The following KIAA0319 variants were observed in gnomAD, a reference collection of about 807,000 sequenced individuals.
KIAA0319 encodes the protein KIAA0319.
In KIAA0319, 83 loss-of-function variants were observed where a neutral mutation model predicts 108.4. The ratio of observed to expected loss-of-function variants is 0.77; its 90% CI spans 0.64 to 0.92. The LOEUF (loss-of-function observed/expected upper bound fraction) is 0.92, where lower values mean the gene tolerates loss of function less well. Among genes scored for constraint, KIAA0319 ranks in the 40% least tolerant of loss-of-function variants. The pLI is 0.00. For synonymous variants in KIAA0319, 484 were observed against 510.4 expected (o/e 0.95, Z 0.70); for missense variants, 1,195 against 1,322.4 (o/e 0.90, Z 1.49).
intron 1 of KIAA0319, among the ~76,000 whole-genome samples, chr6:24,636,644 A>G (rs1776236870): frequency 6.6e-6 from 1 of 152,212 alleles, no homozygotes; most frequent in Non-Finnish European, 1.5e-5. Context: ...CAATGACCCA[A>G]AGAAATCAAC....
At chr6:24,608,932 A>G (rs1771858464) in intron 1 of KIAA0319, among the ~76,000 whole-genome samples, 1 of 113,002 alleles carries the variant, frequency 8.8e-6, no homozygotes, top group Non-Finnish European at 2.1e-5. Flanking sequence ...CTCCGTCTCA[A>G]AAAAAAAAAA....
chr6:24,644,756 T>G (rs978506374), intron 1 of KIAA0319, among the ~76,000 whole-genome samples: 1 of 152,228 alleles, frequency 6.6e-6, no homozygotes, highest in Non-Finnish European at 1.5e-5. Context: ...AGTTCTTGCC[T>G]CGGCATTTTG....
At chr6:24,630,579 T>C (rs532995608) in intron 1 of KIAA0319, among the ~76,000 whole-genome samples, 350 of 135,850 alleles carry the variant, frequency 2.6e-3, no homozygotes, top group Non-Finnish European at 4.3e-3. Flanking sequence ...AAATTAGTCA[T>C]TATAAATTGT....
rs887868480 is a variant in KIAA0319, at chr6:24,546,382, C to G, written c.*783G>C. ...TTAATGTAAACTGGGGATCCGTTTA[C>G]ATTAGAGAACTATACTGCTAAACAA... On this transcript the variant is annotated 3_prime_UTR_variant, in exon 21 of 21. Coordinates refer to ENST00000378214, the MANE Select transcript of KIAA0319 (RefSeq NM_014809.4). The G allele has an allele frequency of 6.6e-6, 1 of 151,968 alleles. No individual in the cohort carries two copies. Among genetic ancestry groups the G allele is most frequent in the East Asian group, 1.9e-4 (1 of 5,190 alleles). The allele number at this position is 151,968 out of a possible 1,614,324, so 9.4% of individuals were successfully genotyped here.
At chr6:24,580,228 T>G (rs138658897) in intron 7 of KIAA0319, among the ~76,000 whole-genome samples, 166 of 152,264 alleles carry the variant, frequency 1.1e-3, no homozygotes, top group African/African-American at 3.5e-3. Context: ...GAGCAGTAAT[T>G]ACAGAGCAGG....
intron 9 of KIAA0319, among the ~76,000 whole-genome samples, 193 bp from the exon 10 acceptor site, chr6:24,576,789 G>A (rs1765612736): frequency 6.6e-6 from 1 of 151,940 alleles, no homozygotes; most frequent in Non-Finnish European, 1.5e-5. Flanking sequence ...GCCGAGTGTG[G>A]TCATGCACAC....
intron 20 of KIAA0319, among the ~76,000 whole-genome samples, chr6:24,549,820 G>A (rs574887117): frequency 6.6e-6 from 1 of 152,156 alleles, no homozygotes; most frequent in African/African-American, 2.4e-5. Flanking sequence ...GGGTGGTGAT[G>A]GTAATGACGA....
In KIAA0319 at chr6:24,599,986, T is replaced by C. The variant is rs1423482858; in HGVS notation, c.55+1063A>G. On this transcript the variant is annotated intron_variant, in intron 2 of 20. Coordinates refer to ENST00000378214, the MANE Select transcript of KIAA0319 (RefSeq NM_014809.4). The surrounding 1 kb of genome is among the most constrained non-coding windows in gnomAD (Gnocchi z 4.1). Reference sequence around the variant, plus strand: ...TGCCTCCAGCTACAAAACAATTCAATTGGTTTTTTTCCAAAATAAACCCTC... The same window carrying C: ...TGCCTCCAGCTACAAAACAATTCAACTGGTTTTTTTCCAAAATAAACCCTC... 6.6e-6 allele frequency among the ~76,000 whole-genome samples: 1 copy of C among 151,590 alleles called. No homozygotes were observed. Among genetic ancestry groups the C allele is most frequent in the Non-Finnish European group, 1.5e-5 (1 of 67,998 alleles).
intron 4 of KIAA0319, among the ~76,000 whole-genome samples, chr6:24,584,051 C>T (rs533291904): frequency 2.0e-5 from 3 of 152,206 alleles, no homozygotes; most frequent in East Asian, 3.9e-4. Flanking sequence ...TCTTGACGCC[C>T]TGGTGTGAGC....
chr6:24,631,511 G>A (rs1450993385), intron 1 of KIAA0319, among the ~76,000 whole-genome samples: 1 of 152,220 alleles, frequency 6.6e-6, no homozygotes, highest in African/African-American at 2.4e-5. Flanking sequence ...CTTTTCCACA[G>A]TCTTAGATTA....
intron 20 of KIAA0319, among the ~76,000 whole-genome samples, chr6:24,550,736 T>C (rs9467220): frequency 0.29 from 43,724 of 151,860 alleles, 6,815 homozygotes; most frequent in African/African-American, 0.4. Context: ...GCTGTGGGAG[T>C]GTCTTCAACT....
intron 18 of KIAA0319, 21 bp downstream of exon 18, chr6:24,556,586 C>T: frequency 6.2e-7 from 1 of 1,609,856 alleles, no homozygotes; most frequent in Non-Finnish European, 8.5e-7. Flanking sequence ...CACCCAAAGC[C>T]TCCTCTATAC....
intron 1 of KIAA0319, among the ~76,000 whole-genome samples, chr6:24,622,931 C>T (rs1205344111): frequency 3.3e-5 from 5 of 151,908 alleles, no homozygotes; most frequent in Admixed American, 6.6e-5. Flanking sequence ...CCCAGCTACT[C>T]GGGAGGCTGA....
At chr6:24,616,717 T>C (rs1187590636) in intron 1 of KIAA0319, among the ~76,000 whole-genome samples, 1 of 152,212 alleles carries the variant, frequency 6.6e-6, no homozygotes, top group Non-Finnish European at 1.5e-5. Flanking sequence ...TTAAAACAAC[T>C]TTTATTTTCT....
At chr6:24,638,495 T>A in intron 1 of KIAA0319, among the ~76,000 whole-genome samples, 1 of 152,060 alleles carries the variant, frequency 6.6e-6, no homozygotes, top group East Asian at 1.9e-4. Flanking sequence ...GCGTGGTGGC[T>A]CCAGCCTGTA....
chr6:24,618,073 C>T (rs1372685467), intron 1 of KIAA0319, among the ~76,000 whole-genome samples: 1 of 151,970 alleles, frequency 6.6e-6, no homozygotes, highest in Non-Finnish European at 1.5e-5. Context: ...AAAATTTGGC[C>T]ACTGGGCTCT....
Position 24,551,456 on chromosome 6 carries a change from T to C in KIAA0319, c.3018A>G (p.Arg1006=), listed in dbSNP as rs138705676. 3.7e-6 allele frequency: 6 copies of C among 1,611,702 alleles called. No individual in the cohort carries two copies. In the African/African-American group the frequency reaches 5.3e-5, roughly 14 times the overall value. The change falls in exon 20 of 21, where the codon AGA becomes AGG. Residue 1006 remains arginine (R), a synonymous_variant. Coordinates refer to ENST00000378214, the MANE Select transcript of KIAA0319 (RefSeq NM_014809.4). Reference sequence around the variant, plus strand: ...TACCATATTTGGGCCTCAGTTCCATTCTTTCCTGTTCATCCATGTTATCCA... The same window carrying C: ...TACCATATTTGGGCCTCAGTTCCATCCTTTCCTGTTCATCCATGTTATCCA... ...TILDNMDEQE[R]MELRPKYGIK...
chr6:24,572,661 T>G lies in KIAA0319; in HGVS notation c.1772A>C (p.Gln591Pro), dbSNP rs1230111681. 3.0e-5 allele frequency: 48 copies of G among 1,613,752 alleles called. No homozygotes were observed. Among genetic ancestry groups the G allele is most frequent in the Non-Finnish European group, 4.1e-5 (48 of 1,179,838 alleles). The change falls in exon 11 of 21, where the codon CAG becomes CCG. Residue 591 changes from glutamine to proline, a missense_variant. By Grantham distance (76) the Gln-to-Pro change is moderately conservative. Coordinates refer to ENST00000378214, the MANE Select transcript of KIAA0319 (RefSeq NM_014809.4). ...CAGCTGAAATGTATAATCTCCTTCCTGCATTGCAGATAAATGAAGGTATGG... is the reference window on the plus strand; with the variant it reads ...CAGCTGAAATGTATAATCTCCTTCCGGCATTGCAGATAAATGAAGGTATGG... Reference protein sequence around the residue: ...QTPYLHLSAMQEGDYTFQLKV... With the variant: ...QTPYLHLSAMPEGDYTFQLKV...
chr6:24,588,807 T>C (rs779435173), intron 3 of KIAA0319, 22 bp from the exon 4 acceptor site: 2 of 1,576,990 alleles, frequency 1.3e-6, no homozygotes, highest in Non-Finnish European at 8.6e-7. Context: ...ATTACAAGGA[T>C]AAATTGTTAT....
Sources: allele counts gnomAD v4.1 joint callset (sites outside exome capture counted in the v4.1 genomes callset), GRCh38; gene constraint gnomAD v4.1.1; non-coding constraint Gnocchi (gnomAD v3.1); transcripts MANE v1.5; gene names NCBI Gene and HGNC (gene_info 2026-07-23, HGNC 2026-07-21).